The following SLMAP variants were observed in gnomAD, a reference collection of about 807,000 sequenced individuals.
SLMAP encodes sarcolemmal membrane-associated protein.
A neutral mutation model predicts 128.8 loss-of-function variants in SLMAP; 44 were observed. That is an observed-to-expected ratio of 0.34 (90% confidence interval 0.27 to 0.44). SLMAP has a LOEUF of 0.44. Among genes scored for constraint, SLMAP ranks in the 20% least tolerant of loss-of-function variants. The pLI, the probability that SLMAP is intolerant of heterozygous loss-of-function variation, is 1.00. For synonymous variants in SLMAP, 327 were observed against 348.8 expected (o/e 0.94, Z 0.70); for missense variants, 787 against 985.3 (o/e 0.80, Z 2.69).
chr3:57,785,586 A>G (rs1221816492), intron 2 of SLMAP, among the ~76,000 whole-genome samples: 1 of 152,208 alleles, frequency 6.6e-6, no homozygotes, highest in Non-Finnish European at 1.5e-5. Context: ...CTATTCCTAT[A>G]GAAACTAAAT....
intron 2 of SLMAP, among the ~76,000 whole-genome samples, chr3:57,792,842 A>G (rs905099701): frequency 6.6e-6 from 1 of 152,112 alleles, no homozygotes; most frequent in East Asian, 1.9e-4. Flanking sequence ...GGCTGAACTC[A>G]AACTCCTGGA....
chr3:57,923,116 CA>C (rs1312757718), intron 23 of SLMAP, 93 bp downstream of exon 23: 4 of 1,145,134 alleles, frequency 3.5e-6, no homozygotes, highest in Non-Finnish European at 3.8e-6. Flanking sequence ...ATTTGTGAAG[CA>C]AATGGTACAG....
At chr3:57,792,361 C>T (rs1303208630) in intron 2 of SLMAP, among the ~76,000 whole-genome samples, 1 of 151,616 alleles carries the variant, frequency 6.6e-6, no homozygotes, top group East Asian at 1.9e-4. Flanking sequence ...TAAAAAACTA[C>T]AGTAGTGACA....
At chr3:57,813,772 T>C (rs1263855121) in intron 2 of SLMAP, among the ~76,000 whole-genome samples, 1 of 152,200 alleles carries the variant, frequency 6.6e-6, no homozygotes, top group African/African-American at 2.4e-5. Context: ...GTGTCAGTCC[T>C]CTCCATGGAT....
At chr3:57,823,310 G>GCTGCACCCATTAACT (rs1231979669) in intron 2 of SLMAP, among the ~76,000 whole-genome samples, 3 of 152,036 alleles carry the variant, frequency 2.0e-5, no homozygotes, top group Non-Finnish European at 4.4e-5. Flanking sequence ...ATGTTGGTGT[G>GCTGCACCCATTAACT]CTGCACCCAT....
chr3:57,844,711 CTT>C lies in SLMAP; in HGVS notation c.420-2467_420-2466del, dbSNP rs35011644. Among the ~76,000 whole-genome samples, 412 of 92,258 alleles carry C rather than the reference CTT, an allele frequency of 4.5e-3. 1 individual carries two copies. Among genetic ancestry groups the C allele is most frequent in the African/African-American group, 0.012 (287 of 24,296 alleles). The allele number at this position is 92,258 out of a possible 152,430, so 60.5% of individuals were successfully genotyped here. On this transcript the variant is annotated intron_variant, in intron 4 of 24. Transcript: ENST00000671191. ...ATTATACCATTTGTTTCTATTTAGA[CTT>C]TTTTTTTTTTTTTTTTTTGGAGATG...
In SLMAP at chr3:57,841,284, G is replaced by T. The variant is rs1473896944; in HGVS notation, c.347-15G>T. On this transcript the variant is annotated splice_polypyrimidine_tract_variant and intron_variant, in intron 3 of 24. Transcript: ENST00000671191. ...AACAATTATTTCATCCATATTATTT[G>T]TTTGTTTCAACCAGTTACCCATGGG... is the stretch of plus-strand genomic sequence containing the variant. 6.6e-7 allele frequency: 1 copy of T among 1,518,782 alleles called. No homozygotes were observed. Among genetic ancestry groups the T allele is most frequent in the Non-Finnish European group, 9.0e-7 (1 of 1,106,352 alleles). 94.1% of individuals were successfully genotyped at this position (1,518,782 alleles called of 1,614,324 possible).
At chr3:57,919,912 C>A (rs1182487578) in intron 22 of SLMAP, among the ~76,000 whole-genome samples, 1 of 152,212 alleles carries the variant, frequency 6.6e-6, no homozygotes, top group Non-Finnish European at 1.5e-5. Context: ...TTGCCACCCC[C>A]TCACGTACTG....
At chr3:57,925,230 C>T (rs1576507922) in intron 23 of SLMAP, among the ~76,000 whole-genome samples, 1 of 151,998 alleles carries the variant, frequency 6.6e-6, no homozygotes, top group Non-Finnish European at 1.5e-5. Context: ...GCTGGGATTA[C>T]AGTCATGAGC....
intron 2 of SLMAP, among the ~76,000 whole-genome samples, chr3:57,820,626 T>C (rs1342875515): frequency 6.6e-6 from 1 of 152,218 alleles, no homozygotes; most frequent in East Asian, 1.9e-4. Flanking sequence ...AATCTGGACC[T>C]CTGCCAACAT....
At chr3:57,809,241 G>A (rs2090487426) in intron 2 of SLMAP, among the ~76,000 whole-genome samples, 1 of 152,192 alleles carries the variant, frequency 6.6e-6, no homozygotes, top group Admixed American at 6.5e-5. Context: ...ACTCTTGGGG[G>A]CCCAGGAAGA....
chr3:57,865,846 A>G lies in SLMAP; in HGVS notation c.1237+554A>G, dbSNP rs1263133287. The stretch of plus-strand genomic sequence containing the variant: ...CTCTTGCCAAAAACATATAGCCACT[A>G]TTGGTTTTCCTGTCACTACACGGGG... On this transcript the variant is annotated intron_variant, in intron 13 of 24. Transcript: ENST00000671191. 3.9e-5 allele frequency among the ~76,000 whole-genome samples: 6 copies of G among 152,014 alleles called. No homozygotes were observed. In the East Asian group the frequency reaches 1.2e-3, roughly 29 times the overall value.
At chr3:57,829,740 C>A (rs2093204336) in intron 2 of SLMAP, among the ~76,000 whole-genome samples, 1 of 152,168 alleles carries the variant, frequency 6.6e-6, no homozygotes, top group South Asian at 2.1e-4. Flanking sequence ...GCCTAGTGGC[C>A]TTTATATTGT....
chr3:57,796,257 G>A (rs976718588), intron 2 of SLMAP, among the ~76,000 whole-genome samples: 2 of 152,160 alleles, frequency 1.3e-5, no homozygotes, highest in Non-Finnish European at 2.9e-5. Flanking sequence ...GTTTTCAAAC[G>A]GTAGAGTCTT....
Position 57,904,021 on chromosome 3 carries a change from A to G in SLMAP, c.1502-3863A>G, listed in dbSNP as rs141020635. On this transcript the variant is annotated intron_variant, in intron 17 of 24. Coordinates refer to ENST00000671191, the MANE Select transcript of SLMAP (RefSeq NM_001377540.1). ...ATAAAATACAGTGAGCCCTTGATCA[A>G]CCTTTGCACAAAAAGAATTGCTCAT... 4.7e-4 allele frequency among the ~76,000 whole-genome samples: 72 copies of G among 152,314 alleles called. 1 individual carries two copies. Among genetic ancestry groups the G allele is most frequent in the African/African-American group, 1.7e-3 (71 of 41,564 alleles).
intron 14 of SLMAP, among the ~76,000 whole-genome samples, chr3:57,880,445 C>T (rs1221630317): frequency 6.6e-6 from 1 of 152,082 alleles, no homozygotes; most frequent in Non-Finnish European, 1.5e-5. Context: ...TCAGGTGATC[C>T]GCCCGCCTCA....
intron 9 of SLMAP, 45 bp from the exon 10 acceptor site, chr3:57,861,904 A>G (rs201810110): frequency 3.2e-5 from 49 of 1,529,716 alleles, no homozygotes; most frequent in Non-Finnish European, 4.2e-5. Context: ...TAAATAACAA[A>G]TATACACTTA....
chr3:57,831,369 G>GTTT lies in SLMAP; in HGVS notation c.199-7_199-5dup. 7.0e-7 allele frequency: 1 copy of GTTT among 1,428,254 alleles called. No individual in the cohort carries two copies. The highest frequency in any genetic ancestry group is 1.5e-5 in the South Asian group (1 of 68,330). The allele number at this position is 1,428,254 out of a possible 1,614,324, so 88.5% of individuals were successfully genotyped here. On this transcript the variant is annotated splice_polypyrimidine_tract_variant and intron_variant, in intron 2 of 24. Coordinates refer to ENST00000671191, the MANE Select transcript of SLMAP (RefSeq NM_001377540.1). ...TAATATTTGGCCCTTTTTTGTTTTTGTTTTTTTTTGCAGTTTTATCTTCAA... is the reference window on the plus strand; with the variant it reads ...TAATATTTGGCCCTTTTTTGTTTTTGTTTTTTTTTTTTGCAGTTTTATCTTCAA...
At chr3:57,832,091 A>G (rs1336384438) in intron 3 of SLMAP, among the ~76,000 whole-genome samples, 2 of 152,222 alleles carry the variant, frequency 1.3e-5, no homozygotes, top group East Asian at 1.9e-4. Flanking sequence ...TGAAAGAACA[A>G]TCTTTTGCAG....
Sources: gnomAD v4.1 joint callset for allele counts (sites outside exome capture counted in the v4.1 genomes callset) on GRCh38, gnomAD v4.1.1 for gene constraint, MANE v1.5 for transcripts, NCBI Gene and HGNC (gene_info 2026-07-23, HGNC 2026-07-21) for gene names.